Variants in DLG2 observed in about 807,000 individuals in gnomAD.
DLG2 encodes the protein disks large homolog 2.
In DLG2, 45 loss-of-function variants were observed where a neutral mutation model predicts 132.5. That is an observed-to-expected ratio of 0.34 (90% confidence interval 0.27 to 0.44). DLG2 has a LOEUF of 0.44. Among genes scored for constraint, DLG2 ranks in the 20% least tolerant of loss-of-function variants. DLG2 has a pLI of 1.00. For synonymous variants in DLG2, 424 were observed against 419.6 expected, an observed-to-expected ratio of 1.01 and a Z score of -0.13; for missense variants, 1,045 against 1,196.9, an observed-to-expected ratio of 0.87 and a Z score of 1.87.
intron 22 of DLG2, among the ~76,000 whole-genome samples, chr11:83,473,927 G>C (rs2092361941): frequency 6.6e-6 from 1 of 152,134 alleles, no homozygotes; most frequent in Non-Finnish European, 1.5e-5. Flanking sequence ...TAGCTGCGAA[G>C]TTGGATGACT....
intron 3 of DLG2, among the ~76,000 whole-genome samples, chr11:85,302,948 T>G (rs894117644): frequency 2.6e-5 from 4 of 152,198 alleles, no homozygotes; most frequent in Non-Finnish European, 5.9e-5. Flanking sequence ...ATTATCTCCA[T>G]TTCACAAATA....
At chr11:84,848,078 C>T (rs1481988231) in intron 6 of DLG2, among the ~76,000 whole-genome samples, 1 of 152,112 alleles carries the variant, frequency 6.6e-6, no homozygotes, top group East Asian at 1.9e-4. Flanking sequence ...GCCCAGAGAA[C>T]AGCGAAAAGA....
intron 18 of DLG2, among the ~76,000 whole-genome samples, chr11:83,651,306 AT>A (rs2070325395): frequency 6.6e-6 from 1 of 152,168 alleles, no homozygotes; most frequent in South Asian, 2.1e-4. Context: ...ATTACTTAAC[AT>A]TTCTGAGTTG....
intron 6 of DLG2, among the ~76,000 whole-genome samples, chr11:85,038,372 G>C (rs181325350): frequency 1.8e-4 from 27 of 152,070 alleles, no homozygotes; most frequent in Admixed American, 1.2e-3. Context: ...TAGCATAATA[G>C]TAATTGCTGA....
At chr11:83,685,598 A>G (rs1230525465) in intron 18 of DLG2, among the ~76,000 whole-genome samples, 1 of 152,006 alleles carries the variant, frequency 6.6e-6, no homozygotes, top group East Asian at 1.9e-4. Flanking sequence ...AGTGTCCCCA[A>G]GTTTGTCATT....
chr11:84,363,353 G>A (rs1464092196), intron 7 of DLG2, among the ~76,000 whole-genome samples: 1 of 151,516 alleles, frequency 6.6e-6, no homozygotes, highest in South Asian at 2.1e-4. Context: ...TTTTTGATGG[G>A]GTTGTTGGTT....
chr11:83,620,188 C>A (rs1210506529), intron 19 of DLG2, among the ~76,000 whole-genome samples: 1 of 152,026 alleles, frequency 6.6e-6, no homozygotes, highest in Admixed American at 6.6e-5. Context: ...GGTAAGCAAT[C>A]TGGTTTGAAA....
At chr11:85,501,293 T>C (rs184509825) in intron 3 of DLG2, among the ~76,000 whole-genome samples, 2 of 152,084 alleles carry the variant, frequency 1.3e-5, no homozygotes, top group East Asian at 1.9e-4. Context: ...GACTTAAACA[T>C]AAGACCTAGG....
At chr11:83,503,133 A>G (rs1272757046) in intron 21 of DLG2, among the ~76,000 whole-genome samples, 17 of 151,734 alleles carry the variant, frequency 1.1e-4, no homozygotes, top group Non-Finnish European at 2.9e-5. Context: ...AGGGGCATGA[A>G]GAAGGCAGGA....
intron 7 of DLG2, among the ~76,000 whole-genome samples, chr11:84,473,394 G>A (rs1454642591): frequency 6.6e-6 from 1 of 152,014 alleles, no homozygotes; most frequent in East Asian, 1.9e-4. Flanking sequence ...GCTTCTTGGA[G>A]GGAAGTGTGC....
intron 3 of DLG2, among the ~76,000 whole-genome samples, chr11:85,379,277 C>A (rs945718140): frequency 6.6e-6 from 1 of 152,148 alleles, no homozygotes; most frequent in East Asian, 1.9e-4. Context: ...ATCAAACATA[C>A]AACCACAGAC....
chr11:84,805,131 T>G (rs1240295304), intron 6 of DLG2, among the ~76,000 whole-genome samples: 2 of 152,062 alleles, frequency 1.3e-5, no homozygotes, highest in Non-Finnish European at 2.9e-5. Context: ...GCAGTAAAAG[T>G]GTATTACTAC....
chr11:84,730,315 G>T (rs1250555761), intron 6 of DLG2, among the ~76,000 whole-genome samples: 3 of 152,008 alleles, frequency 2.0e-5, no homozygotes, highest in Admixed American at 1.3e-4. Context: ...GGGTTCCTAT[G>T]AGAATTAACT....
chr11:83,460,902 A>G (rs2089798882), intron 27 of DLG2, among the ~76,000 whole-genome samples: 1 of 152,198 alleles, frequency 6.6e-6, no homozygotes, highest in African/African-American at 2.4e-5. Flanking sequence ...CAAGATATTT[A>G]CAAACTGCTA....
At chr11:84,767,538 C>G (rs1439088780) in intron 6 of DLG2, among the ~76,000 whole-genome samples, 3 of 151,964 alleles carry the variant, frequency 2.0e-5, no homozygotes, top group South Asian at 4.2e-4. Flanking sequence ...CCTTAAAGGT[C>G]CTGAGCAGAG....
intron 7 of DLG2, among the ~76,000 whole-genome samples, chr11:84,395,760 T>C (rs958703427): frequency 4.6e-5 from 7 of 152,218 alleles, no homozygotes; most frequent in Non-Finnish European, 7.4e-5. Context: ...ATGTTGTACA[T>C]GATAAAAGCA....
intron 9 of DLG2, among the ~76,000 whole-genome samples, chr11:84,112,539 T>TTTTTTA (rs142281526): frequency 3.3e-5 from 5 of 151,910 alleles, no homozygotes; most frequent in African/African-American, 1.2e-4. Flanking sequence ...TTTTTTTTTT[T>TTTTTTA]AGGCAGATAA....
chr11:85,256,142 G>A (rs769913447), intron 4 of DLG2, among the ~76,000 whole-genome samples: 2 of 152,042 alleles, frequency 1.3e-5, no homozygotes, highest in Admixed American at 1.3e-4. Context: ...GGCCAGCCAC[G>A]CCCCCTATCC....
chr11:84,052,026 G>A (rs981357799), intron 11 of DLG2, among the ~76,000 whole-genome samples: 4 of 151,800 alleles, frequency 2.6e-5, no homozygotes, highest in African/African-American at 7.2e-5. Flanking sequence ...GCGAGTGATG[G>A]AACCTGGTGC....
Sources: gnomAD v4.1 joint callset for allele counts (sites outside exome capture counted in the v4.1 genomes callset) on GRCh38, gnomAD v4.1.1 for gene constraint, MANE v1.5 for transcripts, NCBI Gene and HGNC (gene_info 2026-07-23, HGNC 2026-07-21) for gene names.